The following ZNF469 variants were observed in gnomAD, a reference collection of about 807,000 sequenced individuals.
ZNF469 encodes the protein zinc finger protein 469.
ZNF469 carries 1 observed loss-of-function variant against 1.0 expected under a neutral mutation model. The ratio of observed to expected loss-of-function variants is 1.00; its 90% confidence interval spans 0.35 to 4.73. The LOEUF is 4.73. ZNF469 is among the 30% of genes most tolerant of loss of function. ZNF469 has a pLI of 0.16. For synonymous variants in ZNF469, 2,703 were observed against 2,363.4 expected (o/e 1.14, Z -4.17); for missense variants, 6,100 against 5,356.3 (o/e 1.14, Z -4.33).
intron 1 of ZNF469, among the ~76,000 whole-genome samples, chr16:88,420,638 C>T (rs750045508): frequency 2.3e-4 from 35 of 152,218 alleles, no homozygotes; most frequent in Admixed American, 5.2e-4. Flanking sequence ...TCACACCACA[C>T]GCAATCCAGG....
intron 1 of ZNF469, among the ~76,000 whole-genome samples, 84 bp downstream of exon 1, chr16:88,383,338 G>T (rs1158944660): frequency 6.8e-6 from 1 of 147,622 alleles, no homozygotes; most frequent in Admixed American, 6.7e-5. Flanking sequence ...ACCGGGCTGC[G>T]CGGGGGTCTC....
the ZNF469 span, among the ~76,000 whole-genome samples, chr16:88,372,127 A>G: frequency 2.3e-5 from 3 of 132,134 alleles, no homozygotes; most frequent in African/African-American, 8.8e-5. Context: ...CATCATCACC[A>G]TCACCGTCAC....
chr16:88,360,011 G>GATTTTTTA, the ZNF469 span, among the ~76,000 whole-genome samples: 1 of 152,172 alleles, frequency 6.6e-6, no homozygotes, highest in African/African-American at 2.4e-5. Flanking sequence ...ATTGGTTCTT[G>GATTTTTTA]ATTTTTTAAT....
intron 1 of ZNF469, among the ~76,000 whole-genome samples, chr16:88,415,734 C>T (rs1038239349): frequency 6.6e-6 from 1 of 152,248 alleles, no homozygotes. Context: ...TGCCCTGGAA[C>T]CCAGCACTGA....
At chr16:88,386,803 G>A (rs983404307) in intron 1 of ZNF469, among the ~76,000 whole-genome samples, 6 of 152,308 alleles carry the variant, frequency 3.9e-5, no homozygotes, top group East Asian at 1.9e-4. Flanking sequence ...TGGACAGAGC[G>A]TGGTGGAAGG....
chr16:88,418,522 C>G (rs1905363851), intron 1 of ZNF469, among the ~76,000 whole-genome samples: 2 of 152,062 alleles, frequency 1.3e-5, no homozygotes, highest in Non-Finnish European at 2.9e-5. Flanking sequence ...GGCAGGGCTC[C>G]GTCTTTAAGC....
the ZNF469 span, among the ~76,000 whole-genome samples, chr16:88,132,119 T>C: frequency 0.033 from 4,995 of 151,892 alleles, no homozygotes; most frequent in African/African-American, 0.11. Flanking sequence ...TGGACATCGC[T>C]GTCTGTGGCC....
the ZNF469 span, among the ~76,000 whole-genome samples, chr16:88,329,930 A>T: frequency 3.9e-5 from 6 of 152,228 alleles, no homozygotes; most frequent in Non-Finnish European, 8.8e-5. Context: ...GCGTGGCATC[A>T]TCCAGGCACC....
chr16:88,218,322 A>G, the ZNF469 span, among the ~76,000 whole-genome samples: 1 of 149,642 alleles, frequency 6.7e-6, no homozygotes, highest in Non-Finnish European at 1.5e-5. Context: ...GTTTGAGTTC[A>G]TTGTAGATTC....
chr16:88,241,357 T>TA, the ZNF469 span, among the ~76,000 whole-genome samples: 257 of 134,594 alleles, frequency 1.9e-3, 1 homozygote, highest in East Asian at 9.9e-3. This position sits in a 1 kb window ranked among gnomAD's most constrained non-coding sequence, Gnocchi z 4.8. Flanking sequence ...AGACTCCCTC[T>TA]AAAAAAAAAA....
At chr16:88,426,943 G>T (rs1308986827) in intron 2 of ZNF469, among the ~76,000 whole-genome samples, 2 of 152,126 alleles carry the variant, frequency 1.3e-5, no homozygotes, top group African/African-American at 4.8e-5. Flanking sequence ...CCAGGACCCT[G>T]CCCTGGGGCA....
the ZNF469 span, among the ~76,000 whole-genome samples, chr16:88,318,214 A>G: frequency 1.3e-5 from 2 of 152,204 alleles, no homozygotes; most frequent in African/African-American, 4.8e-5. Context: ...CTGGTTCTCC[A>G]GGGCGCGTTC....
the ZNF469 span, among the ~76,000 whole-genome samples, chr16:88,109,077 G>A: frequency 3.3e-5 from 5 of 152,298 alleles, no homozygotes; most frequent in African/African-American, 7.2e-5. Context: ...GAACAAATGC[G>A]CCAGCTGCCA....
chr16:88,232,078 G>A, the ZNF469 span, among the ~76,000 whole-genome samples: 1 of 152,252 alleles, frequency 6.6e-6, no homozygotes, highest in South Asian at 2.1e-4. Context: ...GGGCGGGCGC[G>A]AGGAGGGTAT....
the ZNF469 span, among the ~76,000 whole-genome samples, chr16:88,372,275 T>C: frequency 6.6e-6 from 1 of 151,714 alleles, no homozygotes; most frequent in Non-Finnish European, 1.5e-5. Flanking sequence ...ACCATCACCA[T>C]CATCACCATC....
At chr16:88,246,861 A>T in the ZNF469 span, among the ~76,000 whole-genome samples, 6 of 136,278 alleles carry the variant, frequency 4.4e-5, no homozygotes, top group Admixed American at 4.2e-4. Flanking sequence ...GTGAATGAGC[A>T]AGTGAATGAG....
chr16:88,185,926 TCA>T, the ZNF469 span, among the ~76,000 whole-genome samples: 1 of 151,594 alleles, frequency 6.6e-6, no homozygotes, highest in African/African-American at 2.4e-5. Flanking sequence ...ATTCACACTC[TCA>T]CACATGTGAA....
rs1905791506 is a variant in ZNF469 at position 88,427,808 on chromosome 16, A to G, written c.338A>G (p.Glu113Gly). The G allele has an allele frequency of 1.3e-6, 2 of 1,548,068 alleles. No homozygotes were observed. Among genetic ancestry groups the G allele is most frequent in the Admixed American group, 3.9e-5 (2 of 50,996 alleles). ...CCCTCAAGGCTGGCGGGCAGGGCAG[A>G]GGGCAGCCCCCCACAGCGCTACATT... ...QAPSRLAGRA[E>G]GSPPQRYILG... Residue 113 changes from glutamate (E) to glycine (G), a missense_variant, in exon 3 of 3, where the codon GAG becomes GGG. Physicochemically the swap from Glu to Gly is moderately conservative, Grantham distance 98. Transcript: ENST00000565624.
At chr16:88,162,465 G>T in the ZNF469 span, among the ~76,000 whole-genome samples, 1 of 151,004 alleles carries the variant, frequency 6.6e-6, no homozygotes, top group Admixed American at 6.6e-5. Flanking sequence ...TAATTATTCT[G>T]CTTGTTTTTT....
Sources: gnomAD v4.1 joint callset for allele counts (sites outside exome capture counted in the v4.1 genomes callset) on GRCh38, gnomAD v4.1.1 for gene constraint, Gnocchi (gnomAD v3.1) non-coding constraint, MANE v1.5 for transcripts, NCBI Gene and HGNC (gene_info 2026-07-23, HGNC 2026-07-21) for gene names.